DOCK7: variants seen among roughly 807,000 people sequenced by gnomAD.
DOCK7 encodes dedicator of cytokinesis 7, also known as dedicator of cytokinesis protein 7.
In DOCK7, 138 loss-of-function variants were observed where a neutral mutation model predicts 271.0. The ratio of observed to expected loss-of-function variants is 0.51; its 90% confidence interval spans 0.44 to 0.59. The LOEUF (loss-of-function observed/expected upper bound fraction) is 0.59. Among genes scored for constraint, DOCK7 ranks in the 20% least tolerant of loss-of-function variants. The probability of loss-of-function intolerance (pLI) is 0.00; values close to 1 mark genes in which losing one functional copy is unlikely to be tolerated. For synonymous variants in DOCK7, 823 were observed against 876.1 expected, an observed-to-expected ratio of 0.94 and a Z score of 1.07; for missense variants, 2,066 against 2,592.4, an observed-to-expected ratio of 0.80 and a Z score of 4.41.
intron 1 of DOCK7, chr1:62,687,474 A>G (rs994243403): frequency 6.6e-6 from 1 of 152,238 alleles, no homozygotes; most frequent in Non-Finnish European, 1.5e-5. Context: ...CCTATCATCC[A>G]TCTTCTCGGG....
intron 14 of DOCK7, chr1:62,605,667 T>C (rs1016296429): frequency 3.9e-5 from 6 of 152,460 alleles, no homozygotes; most frequent in African/African-American, 9.7e-5. Context: ...GTGATTCTAA[T>C]ACATTCGTGT....
At chr1:62,530,791 T>G (rs1645150508) in intron 29 of DOCK7, 1 of 153,626 alleles carries the variant, frequency 6.5e-6, no homozygotes, top group African/African-American at 2.4e-5. Flanking sequence ...TCAAGGGTTA[T>G]GCTCACCTGC....
At chr1:62,530,412 T>C (rs995466170) in intron 29 of DOCK7, among the ~76,000 whole-genome samples, 3 of 152,210 alleles carry the variant, frequency 2.0e-5, no homozygotes, top group South Asian at 2.1e-4. Context: ...CTCCCCTCAT[T>C]AGGTTCTTCC....
chr1:62,656,704 G>A (rs1658056972), intron 2 of DOCK7, among the ~76,000 whole-genome samples: 1 of 141,420 alleles, frequency 7.1e-6, no homozygotes, highest in Non-Finnish European at 1.5e-5. Context: ...ATGACAGTGA[G>A]TTACTTCAAA....
chr1:62,543,580 A>G, intron 24 of DOCK7, 76 bp downstream of exon 24: 2 of 1,094,248 alleles, frequency 1.8e-6, no homozygotes, highest in Non-Finnish European at 2.7e-6. Context: ...CATACTGGTT[A>G]TGTAAAGAAA....
At chr1:62,542,155 G>T (rs1645555825) in intron 25 of DOCK7, among the ~76,000 whole-genome samples, 1 of 152,114 alleles carries the variant, frequency 6.6e-6, no homozygotes, top group Non-Finnish European at 1.5e-5. Flanking sequence ...TGAGATTACA[G>T]GTGTGAGCCA....
At chr1:62,608,723 T>G (rs1372041677) in intron 14 of DOCK7, 2 of 152,174 alleles carry the variant, frequency 1.3e-5, no homozygotes, top group Non-Finnish European at 2.9e-5. Context: ...TGAAACCAAG[T>G]ACACACATGT....
At chr1:62,469,718 G>GA (rs569949489) in intron 48 of DOCK7, among the ~76,000 whole-genome samples, 66 of 152,008 alleles carry the variant, frequency 4.3e-4, no homozygotes, top group African/African-American at 1.6e-3. Flanking sequence ...AAATTAGCAA[G>GA]AAAAAAACAA....
rs142206291 is a variant in DOCK7 at position 62,476,141 on chromosome 1, T to C, written c.5650A>G (p.Arg1884Gly). The C allele has an allele frequency of 1.2e-6, 2 of 1,612,480 alleles. No homozygotes were observed. Among genetic ancestry groups the C allele is most frequent in the East Asian group, 2.2e-5 (1 of 44,846 alleles). The change falls in exon 45 of 50, where the codon AGA becomes GGA. Residue 1884 changes from arginine to glycine, a missense_variant. This residue lies in a region of DOCK7 where 652 missense variants were observed against 922.1 expected (regional missense o/e 0.71). Coordinates refer to ENST00000635253, the MANE Select transcript of DOCK7 (RefSeq NM_001367561.1). ...ACTTCAACCACATCCTCTCCAAATC[T>C]TTCTCCGTAAAATCCCTACAATAAA... ...SHRLEGFYGE[R>G]FGEDVVEVIK...
chr1:62,548,687 C>T (rs1349753864), intron 22 of DOCK7, among the ~76,000 whole-genome samples: 1 of 152,182 alleles, frequency 6.6e-6, no homozygotes, highest in African/African-American at 2.4e-5. Context: ...TCCCAAACTG[C>T]TGGGATTATG....
At chr1:62,675,677 C>T (rs1660474019) in intron 1 of DOCK7, among the ~76,000 whole-genome samples, 1 of 151,612 alleles carries the variant, frequency 6.6e-6, no homozygotes, top group African/African-American at 2.4e-5. Context: ...CCCAGCTACT[C>T]AGGAGGCTGA....
chr1:62,579,147 G>A lies in DOCK7; in HGVS notation c.1872-181C>T, dbSNP rs181465052. 3.7e-3 allele frequency among the ~76,000 whole-genome samples: 569 copies of A among 152,144 alleles called. No individual in the cohort carries two copies. The highest frequency in any genetic ancestry group is 5.0e-3 in the Non-Finnish European group (337 of 68,000). ...AATCTTACTTCCATATAAGAGAGCTGCCACTGTTTCTGAAATTTCTCATCC... is the reference window on the plus strand; with the variant it reads ...AATCTTACTTCCATATAAGAGAGCTACCACTGTTTCTGAAATTTCTCATCC... On this transcript the variant is annotated intron_variant, in intron 16 of 49. Coordinates refer to ENST00000635253, the MANE Select transcript of DOCK7 (RefSeq NM_001367561.1).
chr1:62,653,594 G>C (rs1346523138), intron 4 of DOCK7, 131 bp downstream of exon 4: 2 of 634,844 alleles, frequency 3.2e-6, no homozygotes, highest in African/African-American at 3.8e-5. Flanking sequence ...ATACACAAAA[G>C]TTCTTCTTTT....
In DOCK7 at chr1:62,611,854, T is replaced by C. The variant is rs1195692370; in HGVS notation, c.1682+6852A>G. Among the ~76,000 whole-genome samples the C allele has an allele frequency of 2.6e-5, 4 of 151,920 alleles. No homozygotes were observed. In the East Asian group the frequency reaches 7.7e-4, roughly 29 times the overall value. On this transcript the variant is annotated intron_variant, in intron 14 of 49. Coordinates refer to ENST00000635253, the MANE Select transcript of DOCK7 (RefSeq NM_001367561.1). Reference sequence around the variant, plus strand: ...TGTTATTGAGGTTAACTTTTAAAAGTCCTTATCTGGCCAGGCATGGTGGTT... The same window carrying C: ...TGTTATTGAGGTTAACTTTTAAAAGCCCTTATCTGGCCAGGCATGGTGGTT...
chr1:62,594,179 C>T (rs764639664), intron 14 of DOCK7, among the ~76,000 whole-genome samples: 5 of 152,048 alleles, frequency 3.3e-5, no homozygotes, highest in African/African-American at 1.2e-4. Context: ...TAAATAGGCA[C>T]AAGTTCAAGC....
At position 62,538,036 on chromosome 1, in the gene DOCK7, G is replaced by A. The variant is rs537709953; in HGVS notation, c.3326C>T (p.Pro1109Leu). Residue 1109 changes from proline to leucine, a missense_variant, in exon 28 of 50, where the codon CCG becomes CTG. This residue lies in a region of DOCK7 where 1,414 missense variants were observed against 1,670.4 expected (regional missense o/e 0.85). Transcript: ENST00000635253. Reference protein sequence around the residue: ...KQVSSKLYSLPNPSVLVSLRL... With the variant: ...KQVSSKLYSLLNPSVLVSLRL... ...CAAGGACACCAGAACACTGGGATTC[G>A]GTAATGAGTAAAGCTTTGAAGACAC... is the stretch of plus-strand genomic sequence containing the variant. 1.1e-5 allele frequency: 18 copies of A among 1,613,604 alleles called. No individual in the cohort carries two copies. Among genetic ancestry groups the A allele is most frequent in the East Asian group, 2.2e-5 (1 of 44,842 alleles).
At chr1:62,657,138 T>C (rs1018009901) in intron 2 of DOCK7, among the ~76,000 whole-genome samples, 2 of 152,218 alleles carry the variant, frequency 1.3e-5, no homozygotes, top group African/African-American at 4.8e-5. Flanking sequence ...AGAGAAGGTC[T>C]AGTGGAGAGT....
At chr1:62,568,502 A>G (rs1316503627) in intron 18 of DOCK7, among the ~76,000 whole-genome samples, 2 of 143,728 alleles carry the variant, frequency 1.4e-5, no homozygotes, top group Non-Finnish European at 3.0e-5. Context: ...ATGAGATTTC[A>G]CCATGTTGGC....
At position 62,655,664 on chromosome 1, in the gene DOCK7, C is replaced by T. The variant is rs150026233; in HGVS notation, c.145-1505G>A. 6.0e-3 allele frequency among the ~76,000 whole-genome samples: 914 copies of T among 152,240 alleles called. 6 individuals are homozygous for T. The highest frequency in any genetic ancestry group is 0.021 in the African/African-American group (861 of 41,544). ...TAACTTTGGAACTCCTGAGCTCAAGCAATCCGCCTGCTTCGGCCTCCCGAA... is the reference window on the plus strand; with the variant it reads ...TAACTTTGGAACTCCTGAGCTCAAGTAATCCGCCTGCTTCGGCCTCCCGAA... On this transcript the variant is annotated intron_variant, in intron 2 of 49. Transcript: ENST00000635253.
Sources: allele counts gnomAD v4.1 joint callset (sites outside exome capture counted in the v4.1 genomes callset), GRCh38; gene constraint gnomAD v4.1.1; regional missense constraint gnomAD v4.1.1; transcripts MANE v1.5; gene names NCBI Gene and HGNC (gene_info 2026-07-23, HGNC 2026-07-21).